The following FRMD4A variants were observed in gnomAD, a reference collection of about 807,000 sequenced individuals.
FRMD4A encodes FERM domain-containing protein 4A.
A neutral mutation model predicts 129.1 loss-of-function variants in FRMD4A; 29 were observed. The observed-to-expected ratio is 0.22, with a 90% CI of 0.17 to 0.31. FRMD4A has a LOEUF of 0.31. Among genes scored for constraint, FRMD4A ranks in the 10% least tolerant of loss-of-function variants. The pLI, the probability that FRMD4A is intolerant of heterozygous loss-of-function variation, is 1.00. For synonymous variants in FRMD4A, 634 were observed against 571.6 expected, an observed-to-expected ratio of 1.11 and a Z score of -1.56; for missense variants, 1,272 against 1,375.8, an observed-to-expected ratio of 0.92 and a Z score of 1.19.
chr10:14,076,847 T>C (rs1026556868), intron 2 of FRMD4A, among the ~76,000 whole-genome samples: 7 of 152,206 alleles, frequency 4.6e-5, no homozygotes. Flanking sequence ...TGTGTCAGAA[T>C]ACAAAGCTAC....
intron 3 of FRMD4A, among the ~76,000 whole-genome samples, chr10:13,814,423 A>T (rs1757131248): frequency 6.6e-6 from 1 of 151,700 alleles, no homozygotes; most frequent in Non-Finnish European, 1.5e-5. Flanking sequence ...AAAAAAATTT[A>T]AAAATTAGCC....
At chr10:13,984,002 C>CAAA (rs758118474) in intron 2 of FRMD4A, among the ~76,000 whole-genome samples, 48 of 141,780 alleles carry the variant, frequency 3.4e-4, no homozygotes, top group African/African-American at 1.2e-3. Context: ...GACTCTGTCT[C>CAAA]AAAAAAAAAA....
At chr10:14,245,048 T>A (rs1417523417) in intron 2 of FRMD4A, among the ~76,000 whole-genome samples, 1 of 152,234 alleles carries the variant, frequency 6.6e-6, no homozygotes, top group Non-Finnish European at 1.5e-5. Context: ...ATATGGAATC[T>A]TGCACAAAAG....
chr10:13,889,278 G>A (rs577636858), intron 2 of FRMD4A, among the ~76,000 whole-genome samples: 11 of 152,252 alleles, frequency 7.2e-5, no homozygotes, highest in African/African-American at 2.6e-4. Flanking sequence ...ACTCCTTAAG[G>A]TTGACTCAAG....
At chr10:14,133,112 G>A (rs547632217) in intron 2 of FRMD4A, among the ~76,000 whole-genome samples, 1 of 152,286 alleles carries the variant, frequency 6.6e-6, no homozygotes, top group Admixed American at 6.5e-5. Flanking sequence ...AGAAGGAAGT[G>A]CATTTTTGAT....
intron 2 of FRMD4A, among the ~76,000 whole-genome samples, chr10:14,009,002 T>A (rs1385555175): frequency 6.6e-6 from 1 of 152,246 alleles, no homozygotes; most frequent in African/African-American, 2.4e-5. Flanking sequence ...TTTAAATGTT[T>A]GTGTTATAGA....
At chr10:14,208,913 C>A (rs1842860326) in intron 2 of FRMD4A, among the ~76,000 whole-genome samples, 1 of 152,172 alleles carries the variant, frequency 6.6e-6, no homozygotes, top group Admixed American at 6.5e-5. Context: ...CCCAAACTCT[C>A]CTGTGGTCTT....
intron 2 of FRMD4A, among the ~76,000 whole-genome samples, chr10:14,236,714 G>T (rs1328103987): frequency 2.0e-5 from 3 of 152,168 alleles, no homozygotes; most frequent in Non-Finnish European, 4.4e-5. Flanking sequence ...ATGGGTGAGT[G>T]CCCAAATCAG....
chr10:13,693,370 C>T (rs546409078), intron 15 of FRMD4A: 10 of 329,914 alleles, frequency 3.0e-5, no homozygotes, highest in Middle Eastern at 1.3e-3. Context: ...CGGAAGCGGA[C>T]GACGGAACCA....
chr10:13,663,585 T>C, intron 18 of FRMD4A, 76 bp from the exon 19 acceptor site: 2 of 794,288 alleles, frequency 2.5e-6, no homozygotes, highest in Non-Finnish European at 4.6e-6. Flanking sequence ...AAATAGCATG[T>C]CTACTACCAC....
intron 2 of FRMD4A, among the ~76,000 whole-genome samples, chr10:14,233,813 C>T (rs560664606): frequency 1.1e-4 from 17 of 152,274 alleles, no homozygotes; most frequent in African/African-American, 2.9e-4. Context: ...GATTGGCTTT[C>T]GCAATTTCAA....
At chr10:14,229,631 G>C (rs970444002) in intron 2 of FRMD4A, among the ~76,000 whole-genome samples, 4 of 152,108 alleles carry the variant, frequency 2.6e-5, no homozygotes, top group African/African-American at 9.7e-5. Context: ...TAGAGACAGA[G>C]TCTCAGTAAG....
chr10:14,144,918 G>C (rs2131846783), intron 2 of FRMD4A, among the ~76,000 whole-genome samples: 1 of 152,294 alleles, frequency 6.6e-6, no homozygotes, highest in African/African-American at 2.4e-5. Context: ...CAAAGACGTG[G>C]AAAGAAACTC....
chr10:13,902,466 A>AGAGT (rs1259711582), intron 2 of FRMD4A, among the ~76,000 whole-genome samples: 1 of 149,122 alleles, frequency 6.7e-6, no homozygotes, highest in Non-Finnish European at 1.5e-5. Context: ...GGAGAGAGAG[A>AGAGT]GAGAGAGAGA....
At chr10:13,666,753 C>T (rs2083070140) in intron 17 of FRMD4A, among the ~76,000 whole-genome samples, 1 of 152,006 alleles carries the variant, frequency 6.6e-6, no homozygotes, top group Admixed American at 6.6e-5. Context: ...GGACTTGCTA[C>T]CAAGGAGCTC....
intron 13 of FRMD4A, among the ~76,000 whole-genome samples, chr10:13,705,822 C>T (rs1564655121): frequency 6.6e-6 from 1 of 152,216 alleles, no homozygotes; most frequent in African/African-American, 2.4e-5. Flanking sequence ...GATGCAGAAA[C>T]TCTCAGCTGC....
chr10:14,082,765 A>G (rs1458234624), intron 2 of FRMD4A, among the ~76,000 whole-genome samples: 5 of 152,194 alleles, frequency 3.3e-5, no homozygotes, highest in Admixed American at 6.5e-5. Flanking sequence ...GGAGCTACCC[A>G]TGACCATGAT....
intron 22 of FRMD4A, chr10:13,655,606 G>A (rs2082075763): frequency 1.3e-5 from 2 of 150,762 alleles, no homozygotes; most frequent in South Asian, 4.2e-4. Context: ...AGGGCATCCA[G>A]GTTCTTCCTT....
At chr10:14,161,754 C>G (rs548968771) in intron 2 of FRMD4A, among the ~76,000 whole-genome samples, 1 of 152,164 alleles carries the variant, frequency 6.6e-6, no homozygotes, top group East Asian at 1.9e-4. Context: ...TTTGATAGCA[C>G]AGTAGGGTGA....
Sources: allele counts gnomAD v4.1 joint callset (sites outside exome capture counted in the v4.1 genomes callset), GRCh38; gene constraint gnomAD v4.1.1; transcripts MANE v1.5; gene names NCBI Gene and HGNC (gene_info 2026-07-23, HGNC 2026-07-21).